The following TMCO4 variants were observed in gnomAD, a reference collection of about 807,000 sequenced individuals.
TMCO4 encodes transmembrane and coiled-coil domain-containing protein 4.
A neutral mutation model predicts 64.7 loss-of-function variants in TMCO4; 58 were observed. The ratio of observed to expected loss-of-function variants is 0.90; its 90% confidence interval spans 0.73 to 1.12. The LOEUF (loss-of-function observed/expected upper bound fraction) is 1.12. TMCO4 is among the 50% of genes most tolerant of loss of function. The pLI, the probability that TMCO4 is intolerant of heterozygous loss-of-function variation, is 0.00. For missense variants in TMCO4, 780 were observed against 825.9 expected, an observed-to-expected ratio of 0.94 and a Z score of 0.68; for synonymous variants, 325 against 346.1, an observed-to-expected ratio of 0.94 and a Z score of 0.68.
rs972327088 is a variant in TMCO4 at position 19,757,247 on chromosome 1, C to T, written c.383-1481G>A. On this transcript the variant is annotated intron_variant, in intron 6 of 15. Transcript: ENST00000294543. The stretch of plus-strand genomic sequence containing the variant: ...CTGACAATTCAAATTTAGCATCTTA[C>T]GGTTCTGAAGGCCGGATATTCTAAA... Among the ~76,000 whole-genome samples, 5 of 151,980 alleles carry T rather than the reference C, an allele frequency of 3.3e-5. No homozygotes were observed. In the East Asian group the frequency reaches 5.8e-4, roughly 18 times the overall value.
chr1:19,783,504 TATTTC>T (rs1324786937), intron 3 of TMCO4, among the ~76,000 whole-genome samples: 1 of 152,208 alleles, frequency 6.6e-6, no homozygotes, highest in African/African-American at 2.4e-5. Flanking sequence ...CCACAACTAA[TATTTC>T]ATTTGTTTTC....
Position 19,700,865 on chromosome 1 carries a change from C to T in TMCO4, c.1285G>A (p.Asp429Asn). ...ACAGGCGCACCCAGCAGGATGACGTCCTCGATGATTCCTTGGCAATCTGGC... is the reference window on the plus strand; with the variant it reads ...ACAGGCGCACCCAGCAGGATGACGTTCTCGATGATTCCTTGGCAATCTGGC... ...QEKDCQGIIE[D>N]VILLGAPVEG... Residue 429 changes from aspartate (D) to asparagine (N), a missense_variant, in exon 14 of 16, where the codon GAC becomes AAC. Transcript: ENST00000294543. The T allele has an allele frequency of 1.9e-6, 3 of 1,614,216 alleles. No homozygotes were observed. Among genetic ancestry groups the T allele is most frequent in the Non-Finnish European group, 2.5e-6 (3 of 1,180,028 alleles).
chr1:19,735,094 CT>C (rs2095447887), intron 13 of TMCO4, among the ~76,000 whole-genome samples: 1 of 152,156 alleles, frequency 6.6e-6, no homozygotes, highest in Non-Finnish European at 1.5e-5. Flanking sequence ...CCCTGCCTAC[CT>C]GGACTTCACA....
chr1:19,746,795 G>T (rs2041808755), intron 8 of TMCO4, among the ~76,000 whole-genome samples, 196 bp from the exon 9 acceptor site: 1 of 151,958 alleles, frequency 6.6e-6, no homozygotes, highest in Non-Finnish European at 1.5e-5. Context: ...ATGGTGGCAG[G>T]CGCCTGTAAT....
intron 6 of TMCO4, among the ~76,000 whole-genome samples, chr1:19,759,522 C>A (rs1006127374): frequency 3.3e-5 from 5 of 152,248 alleles, no homozygotes; most frequent in African/African-American, 9.6e-5. Flanking sequence ...CCCTTCCTGC[C>A]ATCCTCTCCG....
intron 3 of TMCO4, among the ~76,000 whole-genome samples, chr1:19,784,489 G>T (rs183355278): frequency 2.6e-5 from 4 of 152,256 alleles, no homozygotes; most frequent in Admixed American, 2.6e-4. Flanking sequence ...AGCTGAGATT[G>T]TGCCACTGCA....
At chr1:19,700,941 G>A in intron 13 of TMCO4, 56 bp from the exon 14 acceptor site, 1 of 1,420,750 alleles carries the variant, frequency 7.0e-7, no homozygotes, top group East Asian at 2.3e-5. Flanking sequence ...TGGGTGCTGG[G>A]AGGGACTCCA....
intron 3 of TMCO4, among the ~76,000 whole-genome samples, chr1:19,782,167 T>C (rs1012301745): frequency 2.0e-5 from 3 of 152,150 alleles, no homozygotes; most frequent in Non-Finnish European, 4.4e-5. Flanking sequence ...CACACGTCTA[T>C]CACAGTAGAA....
rs575532367 is a variant in TMCO4, at chr1:19,756,688, G to T, written c.383-922C>A. On this transcript the variant is annotated intron_variant, in intron 6 of 15. Coordinates refer to ENST00000294543, the MANE Select transcript of TMCO4 (RefSeq NM_181719.7). ...TTCAAAAATAAGTTCTTACCCAGAA[G>T]AATTTATGGCTAAGATAATTTATGG... 3.9e-5 allele frequency among the ~76,000 whole-genome samples: 6 copies of T among 152,188 alleles called. No homozygotes were observed. The East Asian group carries it at 1.2e-3, about 29-fold the overall frequency.
intron 2 of TMCO4, among the ~76,000 whole-genome samples, chr1:19,794,754 T>A (rs1252291966): frequency 6.6e-6 from 1 of 152,196 alleles, no homozygotes; most frequent in Non-Finnish European, 1.5e-5. Context: ...CAAATGCCCA[T>A]CTACAGATGA....
intron 12 of TMCO4, 85 bp from the exon 13 acceptor site, chr1:19,737,541 C>CAAAA: frequency 8.5e-7 from 1 of 1,169,776 alleles, no homozygotes; most frequent in Non-Finnish European, 1.3e-6. Context: ...AGCCTTTGCA[C>CAAAA]ATTCCTTACC....
At chr1:19,714,392 T>C (rs1257499931) in intron 13 of TMCO4, among the ~76,000 whole-genome samples, 1 of 152,232 alleles carries the variant, frequency 6.6e-6, no homozygotes, top group African/African-American at 2.4e-5. Flanking sequence ...CCACTTATTT[T>C]CAAAGTTTAA....
intron 2 of TMCO4, among the ~76,000 whole-genome samples, chr1:19,795,951 T>C (rs2044287013): frequency 6.6e-6 from 1 of 152,176 alleles, no homozygotes; most frequent in South Asian, 2.1e-4. Flanking sequence ...TTCCAGCTCA[T>C]CCTCAGCTAA....
intron 7 of TMCO4, 125 bp from the exon 8 acceptor site, chr1:19,747,385 C>T: frequency 1.2e-6 from 1 of 810,774 alleles, no homozygotes. Context: ...GAGTAAGGCA[C>T]CAAAGTCACC....
chr1:19,780,526 T>C (rs1486595065), intron 4 of TMCO4, 54 bp downstream of exon 4: 6 of 1,534,734 alleles, frequency 3.9e-6, no homozygotes, highest in South Asian at 1.3e-5. Context: ...TGGCTGTCCG[T>C]AGTTGTTCCC....
chr1:19,706,734 C>G (rs1028476973), intron 13 of TMCO4, among the ~76,000 whole-genome samples: 1 of 152,150 alleles, frequency 6.6e-6, no homozygotes, highest in Non-Finnish European at 1.5e-5. Context: ...CCCCTCAGCT[C>G]TTAGAACTTA....
chr1:19,710,270 ATTT>A (rs11310431), intron 13 of TMCO4, among the ~76,000 whole-genome samples: 1 of 138,442 alleles, frequency 7.2e-6, no homozygotes. Flanking sequence ...CCATGCCCCC[ATTT>A]TTTTTTTTTT....
chr1:19,717,621 C>T (rs996264036), intron 13 of TMCO4, among the ~76,000 whole-genome samples: 2 of 152,190 alleles, frequency 1.3e-5, no homozygotes, highest in African/African-American at 4.8e-5. Flanking sequence ...GCACATGCAC[C>T]TTCCTGCCTC....
intron 10 of TMCO4, among the ~76,000 whole-genome samples, chr1:19,744,821 A>C (rs1326470785): frequency 1.3e-5 from 2 of 152,208 alleles, no homozygotes; most frequent in African/African-American, 4.8e-5. Context: ...TGTGCCATCC[A>C]TAAAGCTCCC....
Sources: allele counts gnomAD v4.1 joint callset (sites outside exome capture counted in the v4.1 genomes callset), GRCh38; gene constraint gnomAD v4.1.1; transcripts MANE v1.5; gene names NCBI Gene and HGNC (gene_info 2026-07-23, HGNC 2026-07-21).